The following PDE10A variants were observed in gnomAD, a reference collection of about 807,000 sequenced individuals.
PDE10A encodes the protein cAMP and cAMP-inhibited cGMP 3',5'-cyclic phosphodiesterase 10A.
A neutral mutation model predicts 97.7 loss-of-function variants in PDE10A; 39 were observed. That is an observed-to-expected ratio of 0.40 (90% confidence interval 0.31 to 0.52). PDE10A has a LOEUF of 0.52. Ranked by LOEUF, PDE10A falls within the 20% of genes least tolerant of loss-of-function variation. The pLI is 0.56. For missense variants in PDE10A, 731 were observed against 1,047.8 expected, an observed-to-expected ratio of 0.70 and a Z score of 4.17; for synonymous variants, 371 against 376.8, an observed-to-expected ratio of 0.98 and a Z score of 0.18.
intron 1 of PDE10A, among the ~76,000 whole-genome samples, chr6:165,830,611 G>T (rs1464441641): frequency 6.6e-6 from 1 of 152,110 alleles, no homozygotes; most frequent in East Asian, 1.9e-4. Context: ...ACGCTGAAAC[G>T]CTGCATCTTA....
chr6:165,552,472 T>C (rs1290305510), intron 1 of PDE10A, among the ~76,000 whole-genome samples: 2 of 152,224 alleles, frequency 1.3e-5, no homozygotes, highest in Admixed American at 6.5e-5. Context: ...GCTGAACACC[T>C]GCGTTCCTTC....
intron 3 of PDE10A, among the ~76,000 whole-genome samples, chr6:165,476,995 TAAAAA>T (rs1779331631): frequency 6.6e-6 from 1 of 152,114 alleles, no homozygotes. Flanking sequence ...TGAAACCACT[TAAAAA>T]GAGTAATAGT....
chr6:165,418,898 CATT>C lies in PDE10A; in HGVS notation c.1654-124_1654-122del. On this transcript the variant is annotated intron_variant, in intron 10 of 21. Coordinates refer to ENST00000539869, the MANE Select transcript of PDE10A (RefSeq NM_001385079.1). The surrounding 1 kb of genome is among the most constrained non-coding windows in gnomAD (Gnocchi z 4.8). ...CTATACTCTAATTGGTTGGTATTAGCATTATAAGTAAATAAATATACAAGTATA... is the reference window on the plus strand; with the variant it reads ...CTATACTCTAATTGGTTGGTATTAGCATAAGTAAATAAATATACAAGTATA... 1 of 698,624 alleles carries C rather than the reference CATT, an allele frequency of 1.4e-6. No individual in the cohort carries two copies. Among genetic ancestry groups the C allele is most frequent in the Non-Finnish European group, 2.4e-6 (1 of 416,392 alleles). 43.3% of individuals were successfully genotyped at this position (698,624 alleles called of 1,614,324 possible).
chr6:165,590,428 T>C (rs909155999), intron 1 of PDE10A, among the ~76,000 whole-genome samples: 2 of 152,162 alleles, frequency 1.3e-5, no homozygotes, highest in Non-Finnish European at 2.9e-5. Context: ...ACATACTGAA[T>C]CAAGTTGAAC....
chr6:165,576,477 C>A (rs756084261), intron 1 of PDE10A: 2 of 780,530 alleles, frequency 2.6e-6, no homozygotes, highest in South Asian at 1.3e-5. Context: ...AAAGTCTTCT[C>A]TACCCCCATC....
At chr6:165,628,760 T>C (rs1177246041) in intron 1 of PDE10A, among the ~76,000 whole-genome samples, 1 of 152,238 alleles carries the variant, frequency 6.6e-6, no homozygotes. Flanking sequence ...GGTTAATTTT[T>C]AAAGTGTAGT....
intron 2 of PDE10A, among the ~76,000 whole-genome samples, chr6:165,518,192 AT>A (rs148136823): frequency 0.055 from 8,422 of 152,260 alleles, 353 homozygotes; most frequent in African/African-American, 0.11. Context: ...GAACAAATTA[AT>A]TAAGGACATT....
At chr6:165,708,079 A>G (rs1415351638) in intron 1 of PDE10A, among the ~76,000 whole-genome samples, 1 of 152,098 alleles carries the variant, frequency 6.6e-6, no homozygotes, top group South Asian at 2.1e-4. Context: ...TGTTCTTTAA[A>G]ACAGAACTTT....
intron 10 of PDE10A, 126 bp downstream of exon 10, chr6:165,428,532 C>T (rs984819999): frequency 6.7e-6 from 4 of 598,114 alleles, no homozygotes; most frequent in Non-Finnish European, 1.2e-5. Flanking sequence ...AGGTGAATTC[C>T]TAAGCCACCA....
At chr6:165,684,149 C>A (rs914283024) in intron 1 of PDE10A, among the ~76,000 whole-genome samples, 1 of 152,172 alleles carries the variant, frequency 6.6e-6, no homozygotes, top group African/African-American at 2.4e-5. Flanking sequence ...CCCCTGCCTC[C>A]TTCTTGTCTG....
chr6:165,765,128 T>C (rs1418205166), intron 1 of PDE10A, among the ~76,000 whole-genome samples: 4 of 152,300 alleles, frequency 2.6e-5, no homozygotes, highest in East Asian at 1.9e-4. Context: ...AACCTTGAGC[T>C]AGATACAGAG....
At chr6:165,542,901 A>G (rs1310510204) in intron 2 of PDE10A, among the ~76,000 whole-genome samples, 1 of 152,144 alleles carries the variant, frequency 6.6e-6, no homozygotes, top group Non-Finnish European at 1.5e-5. Flanking sequence ...TACAGGCGTG[A>G]GCCACTGCGC....
intron 1 of PDE10A, among the ~76,000 whole-genome samples, chr6:165,958,300 G>C (rs1002337557): frequency 2.0e-5 from 3 of 151,896 alleles, no homozygotes; most frequent in Non-Finnish European, 4.4e-5. Flanking sequence ...AAAATGACCC[G>C]AATGGGAAAG....
chr6:165,837,659 G>GT (rs386409265), intron 1 of PDE10A, among the ~76,000 whole-genome samples: 1,135 of 83,506 alleles, frequency 0.014, 35 homozygotes, highest in African/African-American at 0.029. Flanking sequence ...ATCTCTCCTG[G>GT]TTTTTTTTTT....
intron 1 of PDE10A, among the ~76,000 whole-genome samples, chr6:165,602,292 T>A (rs1463128085): frequency 6.6e-6 from 1 of 152,176 alleles, no homozygotes; most frequent in Non-Finnish European, 1.5e-5. Flanking sequence ...CACCCCAATC[T>A]TTCTCATGCC....
chr6:165,896,521 A>AT (rs35509574), intron 1 of PDE10A, among the ~76,000 whole-genome samples: 47,138 of 105,698 alleles, frequency 0.45, 11,428 homozygotes, highest in East Asian at 0.68. Flanking sequence ...ACGCCAGCTA[A>AT]TTTTTTTTTT....
Position 165,373,260 on chromosome 6 carries a change from A to G in PDE10A, c.2783+5934T>C, listed in dbSNP as rs572848737. Among the ~76,000 whole-genome samples the G allele has an allele frequency of 4.3e-3, 653 of 151,952 alleles. 2 individuals carry two copies. Among genetic ancestry groups the G allele is most frequent in the African/African-American group, 0.015 (622 of 41,408 alleles). On this transcript the variant is annotated intron_variant, in intron 18 of 21. Transcript: ENST00000539869. ...TAATTAAACTAAAGAGCTTCTGCAC[A>G]GCAAAAGAAACTACCATCAGAGTGA...
chr6:165,943,352 G>GAA (rs1461850396), intron 1 of PDE10A, among the ~76,000 whole-genome samples: 10 of 149,192 alleles, frequency 6.7e-5, no homozygotes, highest in African/African-American at 2.5e-4. Context: ...AAAAGAGAAA[G>GAA]AAAGAAAGAG....
intron 1 of PDE10A, among the ~76,000 whole-genome samples, chr6:165,748,586 T>C (rs1209192501): frequency 6.6e-6 from 1 of 152,230 alleles, no homozygotes; most frequent in African/African-American, 2.4e-5. Context: ...TTATGTTTTA[T>C]TCTCTGTGCC....
Sources: gnomAD v4.1 joint callset for allele counts (sites outside exome capture counted in the v4.1 genomes callset) on GRCh38, gnomAD v4.1.1 for gene constraint, Gnocchi (gnomAD v3.1) non-coding constraint, MANE v1.5 for transcripts, NCBI Gene and HGNC (gene_info 2026-07-23, HGNC 2026-07-21) for gene names.